Variants in MYLK observed in about 807,000 individuals in gnomAD.
MYLK encodes the protein myosin light chain kinase, smooth muscle.
Under a neutral mutation model 203.4 loss-of-function variants are expected in MYLK, and 106 were observed. The ratio of observed to expected loss-of-function variants is 0.52; its 90% CI spans 0.45 to 0.61. MYLK has a LOEUF of 0.61. Among genes scored for constraint, MYLK ranks in the 20% least tolerant of loss-of-function variants. MYLK has a pLI of 0.00. For missense variants in MYLK, 2,072 were observed against 2,442.3 expected, an observed-to-expected ratio of 0.85 and a Z score of 3.20; for synonymous variants, 867 against 959.5, an observed-to-expected ratio of 0.90 and a Z score of 1.78.
intron 13 of MYLK, among the ~76,000 whole-genome samples, chr3:123,718,142 A>T (rs556808778): frequency 6.6e-6 from 1 of 152,234 alleles, no homozygotes; most frequent in African/African-American, 2.4e-5. Flanking sequence ...GATTACAGGC[A>T]TGAGACACTG....
chr3:123,613,493 G>T lies in MYLK; in HGVS notation c.*612C>A, dbSNP rs9422. ...TGAGCAGGGACCTGTCTTCAGAATC[G>T]AAGAAGCATAATGTCCTTAATGCTT... On this transcript the variant is annotated 3_prime_UTR_variant, in exon 34 of 34. Coordinates refer to ENST00000360304, the MANE Select transcript of MYLK (RefSeq NM_053025.4). 0.36 allele frequency: 54,861 copies of T among 153,240 alleles called. 14,487 individuals are homozygous for T. Among genetic ancestry groups the T allele is most frequent in the African/African-American group, 0.71 (29,642 of 41,504 alleles). The allele number at this position is 153,240 out of a possible 1,614,324, so 9.5% of individuals were successfully genotyped here. A position where few individuals can be genotyped will look rare whatever the true frequency, so the allele number is the denominator to read the frequency against.
intron 2 of MYLK, among the ~76,000 whole-genome samples, chr3:123,864,982 C>T (rs1042513357): frequency 6.6e-6 from 1 of 152,138 alleles, no homozygotes; most frequent in Non-Finnish European, 1.5e-5. Flanking sequence ...ACTCACATCC[C>T]TCCCCTTGCT....
At chr3:123,882,250 C>CA (rs995555588) in intron 1 of MYLK, among the ~76,000 whole-genome samples, 6 of 151,974 alleles carry the variant, frequency 3.9e-5, no homozygotes, top group South Asian at 4.2e-4. Flanking sequence ...CCCATCTCTA[C>CA]AAAAAATCCA....
rs562947479 is a variant in MYLK, at chr3:123,826,531, T to C, written c.-4+5017A>G. Among the ~76,000 whole-genome samples, 11 of 152,300 alleles carry C rather than the reference T, an allele frequency of 7.2e-5. No homozygotes were observed. The East Asian group carries it at 2.1e-3, about 29-fold the overall frequency. On this transcript the variant is annotated intron_variant, in intron 3 of 33. Transcript: ENST00000360304. ...CAACCTGAGTCCAGCCAAGTGGACT[T>C]CTGTCCGCATCCTGTCCTGAGTCTG... is the stretch of plus-strand genomic sequence containing the variant.
chr3:123,652,307 AT>A (rs2059242506), intron 24 of MYLK, among the ~76,000 whole-genome samples: 1 of 151,896 alleles, frequency 6.6e-6, no homozygotes, highest in South Asian at 2.1e-4. Context: ...AAAAAAAAAA[AT>A]CTGTTCAGAA....
chr3:123,701,820 C>A (rs1012638181), intron 16 of MYLK, among the ~76,000 whole-genome samples: 18 of 152,216 alleles, frequency 1.2e-4, no homozygotes, highest in African/African-American at 4.3e-4. Flanking sequence ...CTCACTCACT[C>A]AACCAATAAA....
In MYLK at chr3:123,732,832, G is replaced by T; in HGVS notation, c.1516+64C>A. On this transcript the variant is annotated intron_variant, in intron 11 of 33. Transcript: ENST00000360304. The stretch of plus-strand genomic sequence containing the variant: ...ATAGGAGATGAACCATCTGCAGAAG[G>T]TGAAGCACCCCATGAATGGTTGTCC... 3 of 1,514,232 alleles carry T rather than the reference G, an allele frequency of 2.0e-6. No homozygotes were observed. The South Asian group carries it at 3.4e-5, about 17-fold the overall frequency. 93.8% of individuals were successfully genotyped at this position (1,514,232 alleles called of 1,614,324 possible). A position where few individuals can be genotyped will look rare whatever the true frequency, so the allele number is the denominator to read the frequency against.
At chr3:123,807,475 C>T (rs1357379676) in intron 3 of MYLK, among the ~76,000 whole-genome samples, 1 of 152,046 alleles carries the variant, frequency 6.6e-6, no homozygotes, top group Non-Finnish European at 1.5e-5. Flanking sequence ...ATAACAAATA[C>T]CTTACACAAC....
chr3:123,667,866 C>T (rs1169076536), intron 20 of MYLK, among the ~76,000 whole-genome samples: 1 of 152,198 alleles, frequency 6.6e-6, no homozygotes, highest in Non-Finnish European at 1.5e-5. Context: ...TATGTCATGT[C>T]AGATAAACCA....
In MYLK at chr3:123,610,366, G is replaced by C. The variant is rs937436630; in HGVS notation, c.*3739C>G. On this transcript the variant is annotated 3_prime_UTR_variant, in exon 34 of 34. Coordinates refer to ENST00000360304, the MANE Select transcript of MYLK (RefSeq NM_053025.4). ...AGCCACTGAGAACCCCAAAATCTTG[G>C]TGATTTATAAGAACAAATGTTTATT... 3.5e-4 allele frequency: 53 copies of C among 152,202 alleles called. No individual in the cohort carries two copies. The highest frequency in any genetic ancestry group is 1.3e-3 in the African/African-American group (52 of 41,534). 9.4% of individuals were successfully genotyped at this position (152,202 alleles called of 1,614,324 possible). A position where few individuals can be genotyped will look rare whatever the true frequency, so the allele number is the denominator to read the frequency against.
intron 4 of MYLK, among the ~76,000 whole-genome samples, chr3:123,754,101 C>T (rs1032924570): frequency 1.3e-5 from 2 of 152,208 alleles, no homozygotes; most frequent in African/African-American, 2.4e-5. Context: ...TGCTAAAAAG[C>T]GCCGGTCGTT....
chr3:123,696,427 G>A (rs1362058953), intron 18 of MYLK, among the ~76,000 whole-genome samples: 1 of 152,102 alleles, frequency 6.6e-6, no homozygotes, highest in Non-Finnish European at 1.5e-5. Flanking sequence ...CAGGGCCAGT[G>A]CTGAGCTGAG....
chr3:123,747,969 G>A (rs11715618), intron 5 of MYLK, among the ~76,000 whole-genome samples: 1 of 152,190 alleles, frequency 6.6e-6, no homozygotes, highest in African/African-American at 2.4e-5. Flanking sequence ...TGATGACCCA[G>A]GACTACTCAC....
At chr3:123,863,605 C>T (rs2032098904) in intron 2 of MYLK, among the ~76,000 whole-genome samples, 1 of 152,028 alleles carries the variant, frequency 6.6e-6, no homozygotes, top group African/African-American at 2.4e-5. Context: ...CATAATAGCG[C>T]TTAATATCCT....
intron 3 of MYLK, among the ~76,000 whole-genome samples, chr3:123,815,225 G>A (rs545238538): frequency 2.0e-5 from 3 of 152,204 alleles, no homozygotes; most frequent in African/African-American, 7.2e-5. Flanking sequence ...AACTTGCCTG[G>A]TGCTGACTTG....
chr3:123,866,130 G>A (rs2032310625), intron 2 of MYLK, among the ~76,000 whole-genome samples: 1 of 152,182 alleles, frequency 6.6e-6, no homozygotes, highest in Non-Finnish European at 1.5e-5. Context: ...TTCCCACTGT[G>A]TCCTGTTCAA....
chr3:123,745,511 T>C (rs1451487174), intron 5 of MYLK, among the ~76,000 whole-genome samples: 5 of 152,226 alleles, frequency 3.3e-5, no homozygotes, highest in Non-Finnish European at 7.3e-5. Context: ...AAAATTCTCC[T>C]CTTTGAAGCA....
intron 22 of MYLK, among the ~76,000 whole-genome samples, chr3:123,665,781 T>C (rs1407082970): frequency 1.3e-5 from 2 of 152,238 alleles, no homozygotes; most frequent in Non-Finnish European, 2.9e-5. Flanking sequence ...AATACTCACA[T>C]TTGCTTTTGT....
At chr3:123,761,763 C>T (rs1032668968) in intron 4 of MYLK, among the ~76,000 whole-genome samples, 7 of 152,150 alleles carry the variant, frequency 4.6e-5, no homozygotes, top group African/African-American at 1.2e-4. Flanking sequence ...CAGTAGCTCA[C>T]GCCTGTAATC....
Sources: allele counts gnomAD v4.1 joint callset (sites outside exome capture counted in the v4.1 genomes callset), GRCh38; gene constraint gnomAD v4.1.1; transcripts MANE v1.5; gene names NCBI Gene and HGNC (gene_info 2026-07-23, HGNC 2026-07-21).